HEATR1: variants seen among roughly 807,000 people sequenced by gnomAD.
HEATR1 encodes HEAT repeat-containing protein 1.
Under a neutral mutation model 248.2 loss-of-function variants are expected in HEATR1, and 77 were observed. That is an observed-to-expected ratio of 0.31 (90% CI 0.26 to 0.37). The LOEUF (loss-of-function observed/expected upper bound fraction) is 0.37. Among genes scored for constraint, HEATR1 ranks in the 10% least tolerant of loss-of-function variants. The pLI is 1.00. For missense variants in HEATR1, 2,420 were observed against 2,504.9 expected, an observed-to-expected ratio of 0.97 and a Z score of 0.72; for synonymous variants, 897 against 923.1, an observed-to-expected ratio of 0.97 and a Z score of 0.51.
chr1:236,598,067 T>G, intron 4 of HEATR1, 88 bp from the exon 5 acceptor site: 2 of 726,122 alleles, frequency 2.8e-6, no homozygotes, highest in South Asian at 3.8e-5. Context: ...GTCTTCATAC[T>G]GCTACAATTC....
At chr1:236,559,178 TAAAA>T (rs745656089) in intron 34 of HEATR1, 43 bp from the exon 35 acceptor site, 1 of 1,322,338 alleles carries the variant, frequency 7.6e-7, no homozygotes, top group Non-Finnish European at 1.0e-6. Context: ...AAAAACAAAT[TAAAA>T]AAAAAACCAA....
intron 28 of HEATR1, among the ~76,000 whole-genome samples, chr1:236,571,081 A>G (rs1663412943): frequency 6.6e-6 from 1 of 152,244 alleles, no homozygotes; most frequent in African/African-American, 2.4e-5. Context: ...TATTATGCTA[A>G]GTACTAACCA....
At chr1:236,570,254 A>T (rs1334896893) in intron 28 of HEATR1, among the ~76,000 whole-genome samples, 1 of 152,228 alleles carries the variant, frequency 6.6e-6, no homozygotes, top group Non-Finnish European at 1.5e-5. Flanking sequence ...GCGCCACTGC[A>T]CTCCAGCCTC....
intron 22 of HEATR1, among the ~76,000 whole-genome samples, chr1:236,575,454 T>C (rs978923298): frequency 8.5e-5 from 13 of 152,260 alleles, no homozygotes; most frequent in African/African-American, 3.1e-4. Flanking sequence ...CAGAGATGAG[T>C]AGCTGCAACA....
At chr1:236,579,274 T>G (rs962343193) in intron 20 of HEATR1, among the ~76,000 whole-genome samples, 1 of 152,172 alleles carries the variant, frequency 6.6e-6, no homozygotes, top group Non-Finnish European at 1.5e-5. Context: ...GCAGCTGCAA[T>G]GTATCTTTTT....
Position 236,556,238 on chromosome 1 carries a change from G to T in HEATR1, c.5376C>A (p.Ile1792=). The T allele has an allele frequency of 6.2e-7, 1 of 1,614,080 alleles. No homozygotes were observed. The stretch of plus-strand genomic sequence containing the variant: ...GTGACGCAGAACCCATTTCACTAGT[G>T]ATTTTCTCCAGATGAATCACCTACA... ...ILSQVIHLEK[I]TSEMGSASQA... The change falls in exon 38 of 45, where the codon ATC becomes ATA. Residue 1792 remains isoleucine, a synonymous_variant. Coordinates refer to ENST00000366582, the MANE Select transcript of HEATR1 (RefSeq NM_018072.6).
intron 26 of HEATR1, 141 bp from the exon 27 acceptor site, chr1:236,571,827 A>C (rs1047067076): frequency 1.5e-6 from 1 of 664,410 alleles, no homozygotes; most frequent in Admixed American, 2.9e-5. Flanking sequence ...TTAAACATCA[A>C]GTCTAGAAAT....
rs1406499741 is a variant in HEATR1 at position 236,604,112 on chromosome 1, G to A, written c.-17C>T. 6 of 1,546,058 alleles carry A rather than the reference G, an allele frequency of 3.9e-6. No homozygotes were observed. Among genetic ancestry groups the A allele is most frequent in the Non-Finnish European group, 4.3e-6 (5 of 1,154,506 alleles). On this transcript the variant is annotated 5_prime_UTR_variant, in exon 2 of 45. Transcript: ENST00000366582. ...GGACGTCATCTTTCACGCCAGCGGA[G>A]TTTTAATGACACGGGCTAAAAAAAC...
At chr1:236,569,153 T>G in intron 28 of HEATR1, 29 bp from the exon 29 acceptor site, 4 of 1,531,864 alleles carry the variant, frequency 2.6e-6, no homozygotes, top group Non-Finnish European at 3.5e-6. Context: ...ATCAACATTT[T>G]TTATTTCTGT....
intron 21 of HEATR1, among the ~76,000 whole-genome samples, 181 bp downstream of exon 21, chr1:236,576,599 A>G (rs1200515805): frequency 2.6e-5 from 4 of 152,236 alleles, no homozygotes; most frequent in Non-Finnish European, 5.9e-5. Context: ...AAATTGAAAT[A>G]TGACATTGCT....
chr1:236,553,530 GGCTATGCA>G lies in HEATR1; in HGVS notation c.6237+43_6237+50del, dbSNP rs776883027. On this transcript the variant is annotated intron_variant, in intron 43 of 44. Transcript: ENST00000366582. ...TCTGTGACCACCTGCAGGCTGTTTAGGCTATGCAGTGAAAAGATGCAGTTTCAGTACTT... is the reference window on the plus strand; with the variant it reads ...TCTGTGACCACCTGCAGGCTGTTTAGGTGAAAAGATGCAGTTTCAGTACTT... The G allele has an allele frequency of 2.5e-6, 4 of 1,577,286 alleles. No homozygotes were observed. In the East Asian group the frequency reaches 6.7e-5, roughly 27 times the overall value.
At chr1:236,568,885 TAA>T in intron 29 of HEATR1, 109 bp downstream of exon 29, 17 of 313,596 alleles carry the variant, frequency 5.4e-5, no homozygotes, top group East Asian at 1.4e-4. Context: ...TTGAGGATAT[TAA>T]AAAAAAAAAA....
In HEATR1 at chr1:236,554,752, T is replaced by A. The variant is rs193150310; in HGVS notation, c.5924A>T (p.Asp1975Val). ...TLNQVNISKTDEAFFDSENDP... is the reference protein window; with the variant it reads ...TLNQVNISKTVEAFFDSENDP... The stretch of plus-strand genomic sequence containing the variant: ...ATTTTCAGAGTCAAAAAATGCTTCA[T>A]CTGTAGACGTGGGAAGAGTAAAAAT... The change falls in exon 42 of 45, where the codon GAT becomes GTT. Residue 1975 changes from aspartate (D) to valine (V), a missense_variant and splice_region_variant. Asp to Val is a radical substitution (Grantham distance 152). Coordinates refer to ENST00000366582, the MANE Select transcript of HEATR1 (RefSeq NM_018072.6). 2.7e-4 allele frequency: 434 copies of A among 1,609,334 alleles called. No individual in the cohort carries two copies. In the East Asian group the frequency reaches 6.8e-3, roughly 25 times the overall value.
At position 236,566,778 on chromosome 1, in the gene HEATR1, C is replaced by T. The variant is rs139912824; in HGVS notation, c.4176G>A (p.Glu1392=). ...VFVDALPHVP[E]HRRLPILVQL... ...GAACAAGGATGGGCAGGCGCCTGTGCTCCGGGACGTGTGGCAGCGCATCCA... is the reference window on the plus strand; with the variant it reads ...GAACAAGGATGGGCAGGCGCCTGTGTTCCGGGACGTGTGGCAGCGCATCCA... Residue 1392 remains glutamate (E), a synonymous_variant, in exon 30 of 45, where the codon GAG becomes GAA. Transcript: ENST00000366582. 2.6e-4 allele frequency: 420 copies of T among 1,614,024 alleles called. No individual in the cohort carries two copies. Among genetic ancestry groups the T allele is most frequent in the Non-Finnish European group, 3.3e-4 (391 of 1,180,034 alleles).
rs1663417808 is a variant in HEATR1 at position 236,571,266 on chromosome 1, A to G, written c.3948+85T>C. ...AAGATTCCAAAGCCTAATTGATTAAATTTAAAATCAACAGGTGCCAGTGCA... is the reference window on the plus strand; with the variant it reads ...AAGATTCCAAAGCCTAATTGATTAAGTTTAAAATCAACAGGTGCCAGTGCA... On this transcript the variant is annotated intron_variant, in intron 28 of 44. Coordinates refer to ENST00000366582, the MANE Select transcript of HEATR1 (RefSeq NM_018072.6). 2.0e-6 allele frequency: 3 copies of G among 1,468,628 alleles called. No individual in the cohort carries two copies. The African/African-American group carries it at 4.3e-5, about 21-fold the overall frequency. The allele number at this position is 1,468,628 out of a possible 1,614,324, so 91.0% of individuals were successfully genotyped here.
At chr1:236,573,512 G>C (rs1397909637) in intron 24 of HEATR1, among the ~76,000 whole-genome samples, 6 of 145,850 alleles carry the variant, frequency 4.1e-5, no homozygotes, top group Non-Finnish European at 9.1e-5. Flanking sequence ...TTATGAACTA[G>C]GTATTAGATA....
At chr1:236,597,464 G>C (rs1664207615) in intron 5 of HEATR1, among the ~76,000 whole-genome samples, 1 of 151,998 alleles carries the variant, frequency 6.6e-6, no homozygotes, top group South Asian at 2.1e-4. Flanking sequence ...TGTTGGCCAG[G>C]CTGGTCTCAA....
At chr1:236,560,851 T>C (rs564113319) in intron 33 of HEATR1, among the ~76,000 whole-genome samples, 2 of 152,320 alleles carry the variant, frequency 1.3e-5, no homozygotes, top group Non-Finnish European at 2.9e-5. Flanking sequence ...ATACACAGAC[T>C]TGACATGGAT....
intron 2 of HEATR1, 41 bp from the exon 3 acceptor site, chr1:236,603,417 T>A: frequency 6.5e-7 from 1 of 1,534,486 alleles, no homozygotes. Flanking sequence ...CAATTCTTCG[T>A]AAGCAAATTC....
Sources: allele counts gnomAD v4.1 joint callset (sites outside exome capture counted in the v4.1 genomes callset), GRCh38; gene constraint gnomAD v4.1.1; transcripts MANE v1.5; gene names NCBI Gene and HGNC (gene_info 2026-07-23, HGNC 2026-07-21).